The following PCDH15 variants were observed in gnomAD, a reference collection of about 807,000 sequenced individuals.
PCDH15 encodes protocadherin-15.
Under a neutral mutation model 178.5 loss-of-function variants are expected in PCDH15, and 129 were observed. The observed-to-expected ratio is 0.72, with a 90% CI of 0.63 to 0.84. The LOEUF (loss-of-function observed/expected upper bound fraction) is 0.84. PCDH15 is among the 40% of genes least tolerant of loss of function. The pLI is 0.00. For missense variants in PCDH15, 2,230 were observed against 2,099.9 expected, an observed-to-expected ratio of 1.06 and a Z score of -1.21; for synonymous variants, 800 against 732.0, an observed-to-expected ratio of 1.09 and a Z score of -1.50.
At chr10:54,576,179 C>A (rs2090463971) in intron 2 of PCDH15, among the ~76,000 whole-genome samples, 1 of 152,034 alleles carries the variant, frequency 6.6e-6, no homozygotes, top group African/African-American at 2.4e-5. Context: ...ATATCTTTTG[C>A]TGATGTAGAA....
chr10:55,419,736 T>C (rs1838573854), intron 2 of PCDH15, among the ~76,000 whole-genome samples: 1 of 151,730 alleles, frequency 6.6e-6, no homozygotes. Flanking sequence ...ATTTCTTTCA[T>C]ATTATCTATA....
At chr10:54,204,125 A>T (rs188869970) in intron 10 of PCDH15, among the ~76,000 whole-genome samples, 43 of 152,308 alleles carry the variant, frequency 2.8e-4, no homozygotes, top group African/African-American at 7.9e-4. Context: ...CTTGGGATTC[A>T]AACGTGAATT....
At chr10:54,164,711 T>C (rs1466984388) in intron 13 of PCDH15, among the ~76,000 whole-genome samples, 2 of 152,176 alleles carry the variant, frequency 1.3e-5, no homozygotes, top group East Asian at 3.8e-4. Flanking sequence ...GCACTAGATA[T>C]TATAGAAGTT....
At chr10:54,042,842 C>T (rs2093578358) in intron 18 of PCDH15, among the ~76,000 whole-genome samples, 1 of 151,948 alleles carries the variant, frequency 6.6e-6, no homozygotes, top group African/African-American at 2.4e-5. Context: ...TAGCACAGGT[C>T]AAAAAGTAAG....
At chr10:54,273,321 G>A (rs1017071929) in intron 8 of PCDH15, among the ~76,000 whole-genome samples, 1 of 151,392 alleles carries the variant, frequency 6.6e-6, no homozygotes, top group Admixed American at 6.6e-5. Context: ...CAAAATAAGT[G>A]TAAATTATAA....
chr10:54,897,676 A>G (rs1258047290), intron 2 of PCDH15, among the ~76,000 whole-genome samples: 1 of 152,162 alleles, frequency 6.6e-6, no homozygotes, highest in Non-Finnish European at 1.5e-5. Flanking sequence ...AAACAAATGT[A>G]ATATATGTGT....
chr10:54,188,920 A>T (rs74349927), intron 11 of PCDH15, among the ~76,000 whole-genome samples: 2 of 151,954 alleles, frequency 1.3e-5, no homozygotes, highest in African/African-American at 4.8e-5. Flanking sequence ...GAGAAAAATG[A>T]CAAAAAAATG....
At chr10:55,364,218 C>A (rs1251883291) in intron 2 of PCDH15, among the ~76,000 whole-genome samples, 2 of 152,122 alleles carry the variant, frequency 1.3e-5, no homozygotes, top group Non-Finnish European at 2.9e-5. Context: ...CCTCCCCAGC[C>A]ATGCTGAACT....
intron 3 of PCDH15, among the ~76,000 whole-genome samples, chr10:54,486,571 TC>T (rs2079116616): frequency 6.6e-6 from 1 of 151,030 alleles, no homozygotes; most frequent in Non-Finnish European, 1.5e-5. Flanking sequence ...TTTCTTCCTT[TC>T]CCTTCCTTCC....
At chr10:54,858,055 T>C (rs1166463800) in intron 3 of PCDH15, among the ~76,000 whole-genome samples, 1 of 152,174 alleles carries the variant, frequency 6.6e-6, no homozygotes, top group Non-Finnish European at 1.5e-5. Flanking sequence ...TCCTGTCTAA[T>C]TGAAACCTTA....
chr10:54,495,610 G>A (rs1438392779), intron 3 of PCDH15, among the ~76,000 whole-genome samples: 1 of 152,080 alleles, frequency 6.6e-6, no homozygotes, highest in African/African-American at 2.4e-5. Flanking sequence ...GATAATAAAA[G>A]TTAGAGAAAG....
chr10:54,394,770 A>C (rs1014466650), intron 3 of PCDH15, among the ~76,000 whole-genome samples: 1 of 152,174 alleles, frequency 6.6e-6, no homozygotes, highest in African/African-American at 2.4e-5. Flanking sequence ...TCATCCCTGC[A>C]GCCTCAACCC....
intron 2 of PCDH15, among the ~76,000 whole-genome samples, chr10:54,658,361 G>GA (rs1483692382): frequency 6.6e-6 from 1 of 151,830 alleles, no homozygotes; most frequent in Non-Finnish European, 1.5e-5. Flanking sequence ...CAATACTAAA[G>GA]AAAAAAATCT....
chr10:55,248,936 T>C (rs1564930943), intron 1 of PCDH15, among the ~76,000 whole-genome samples: 1 of 152,168 alleles, frequency 6.6e-6, no homozygotes, highest in Non-Finnish European at 1.5e-5. Flanking sequence ...ACTTGACAAA[T>C]TGATACTAAG....
chr10:54,668,086 C>T (rs1350821786), intron 1 of PCDH15, among the ~76,000 whole-genome samples: 3 of 152,030 alleles, frequency 2.0e-5, no homozygotes, highest in East Asian at 3.9e-4. Flanking sequence ...AGATAAATCT[C>T]ATATTTATTT....
At position 54,062,227 on chromosome 10, in the gene PCDH15, C is replaced by CAAAAAAAAAAAAA. The variant is rs72361686; in HGVS notation, c.2220+4517_2220+4529dup. ...GGGTGACAAGAGTGAGATTCTGTCT[C>CAAAAAAAAAAAAA]AAAAAAAAAAAAAAAAAAAAAAAAA... On this transcript the variant is annotated intron_variant, in intron 18 of 37. Coordinates refer to ENST00000644397, the MANE Select transcript of PCDH15 (RefSeq NM_001384140.1). Among the ~76,000 whole-genome samples the CAAAAAAAAAAAAA allele has an allele frequency of 6.9e-4, 37 of 53,806 alleles. 2 individuals carry two copies. The highest frequency in any genetic ancestry group is 2.4e-3 in the East Asian group (3 of 1,254). 35.3% of individuals were successfully genotyped at this position (53,806 alleles called of 152,430 possible).
intron 20 of PCDH15, among the ~76,000 whole-genome samples, chr10:53,998,735 T>G (rs1224429172): frequency 6.6e-6 from 1 of 152,088 alleles, no homozygotes; most frequent in Admixed American, 6.6e-5. Flanking sequence ...TTCTAACTAG[T>G]TGGAACTTGA....
chr10:54,048,848 G>A (rs1590113369), intron 18 of PCDH15, among the ~76,000 whole-genome samples: 1 of 150,970 alleles, frequency 6.6e-6, no homozygotes, highest in African/African-American at 2.4e-5. Flanking sequence ...GGCTATTCAG[G>A]TTCTTTTTTG....
chr10:54,370,024 T>TA (rs1022299148), intron 4 of PCDH15, among the ~76,000 whole-genome samples: 6 of 152,138 alleles, frequency 3.9e-5, no homozygotes, highest in South Asian at 4.1e-4. Context: ...TTTGTCATTA[T>TA]AAAAAATACT....
Sources: gnomAD v4.1 joint callset for allele counts (sites outside exome capture counted in the v4.1 genomes callset) on GRCh38, gnomAD v4.1.1 for gene constraint, MANE v1.5 for transcripts, NCBI Gene and HGNC (gene_info 2026-07-23, HGNC 2026-07-21) for gene names.